GALNT13: variants seen among roughly 807,000 people sequenced by gnomAD.
The protein encoded by GALNT13 is UDP-GalNAc:polypeptide N-acetylgalactosaminyltransferase 13.
GALNT13 carries 28 observed loss-of-function variants against 64.2 expected under a neutral mutation model. The ratio of observed to expected loss-of-function variants is 0.44; its 90% CI spans 0.32 to 0.60. The LOEUF (loss-of-function observed/expected upper bound fraction) is 0.60. GALNT13 is among the 20% of genes least tolerant of loss of function. The probability of loss-of-function intolerance (pLI) is 0.05; values close to 1 mark genes in which losing one functional copy is unlikely to be tolerated. For synonymous variants in GALNT13, 214 were observed against 224.6 expected (o/e 0.95, Z 0.42); for missense variants, 577 against 669.8 (o/e 0.86, Z 1.53).
chr2:153,595,724 C>G, the GALNT13 span, among the ~76,000 whole-genome samples: 2 of 152,058 alleles, frequency 1.3e-5, no homozygotes, highest in Admixed American at 6.6e-5. Flanking sequence ...TTGAAAAACT[C>G]TAAGTAAAAT....
At chr2:154,353,455 A>G (rs1696528848) in intron 9 of GALNT13, among the ~76,000 whole-genome samples, 1 of 152,144 alleles carries the variant, frequency 6.6e-6, no homozygotes, top group Non-Finnish European at 1.5e-5. Context: ...CTAGGTATTT[A>G]AGAAAGATCC....
chr2:154,298,670 C>CA (rs1693179740), intron 8 of GALNT13, among the ~76,000 whole-genome samples: 1 of 5,812 alleles, frequency 1.7e-4, no homozygotes. Context: ...TTTATATATA[C>CA]ATTGTATATA....
chr2:153,375,638 T>G, the GALNT13 span, among the ~76,000 whole-genome samples: 1 of 152,208 alleles, frequency 6.6e-6, no homozygotes, highest in Non-Finnish European at 1.5e-5. Flanking sequence ...ATCTTTTTGT[T>G]TCTAGCAGTT....
chr2:153,966,273 T>C (rs1259873667), intron 3 of GALNT13, among the ~76,000 whole-genome samples: 6 of 145,086 alleles, frequency 4.1e-5, no homozygotes, highest in African/African-American at 1.5e-4. Context: ...TCCCATTCCC[T>C]CCTGACTTAC....
chr2:153,499,210 G>A, the GALNT13 span, among the ~76,000 whole-genome samples: 3 of 152,166 alleles, frequency 2.0e-5, no homozygotes, highest in South Asian at 2.1e-4. Flanking sequence ...ACTGGAGGAC[G>A]AGCAAGGTGA....
chr2:154,235,824 A>T (rs533411547), intron 4 of GALNT13, among the ~76,000 whole-genome samples: 12 of 152,268 alleles, frequency 7.9e-5, no homozygotes, highest in Non-Finnish European at 1.2e-4. Context: ...TGTTGTGTTC[A>T]GTAGCTTATC....
chr2:153,872,953 C>G (rs903874027), intron 1 of GALNT13, among the ~76,000 whole-genome samples: 4 of 152,104 alleles, frequency 2.6e-5, no homozygotes, highest in African/African-American at 9.7e-5. Context: ...GTTTTTTTCT[C>G]TTATTCTGTT....
chr2:153,905,678 A>T (rs979890973), intron 2 of GALNT13, among the ~76,000 whole-genome samples: 1 of 151,984 alleles, frequency 6.6e-6, no homozygotes, highest in African/African-American at 2.4e-5. Context: ...TTCTTTCTTC[A>T]CAATTTCAAG....
At chr2:153,151,409 G>C in the GALNT13 span, among the ~76,000 whole-genome samples, 49 of 152,232 alleles carry the variant, frequency 3.2e-4, no homozygotes, top group Admixed American at 7.2e-4. Context: ...AGCCATTGTG[G>C]AAGTCAGTGT....
chr2:153,495,218 T>C, the GALNT13 span, among the ~76,000 whole-genome samples: 1 of 152,162 alleles, frequency 6.6e-6, no homozygotes, highest in African/African-American at 2.4e-5. Flanking sequence ...GGTACAATCC[T>C]TTAGAAATCT....
the GALNT13 span, among the ~76,000 whole-genome samples, chr2:153,558,063 T>A: frequency 3.9e-5 from 6 of 152,224 alleles, no homozygotes; most frequent in African/African-American, 1.4e-4. Flanking sequence ...TTAGTGTTCA[T>A]CACTGTGACT....
intron 2 of GALNT13, among the ~76,000 whole-genome samples, chr2:153,922,340 A>G (rs753896652): frequency 6.6e-5 from 10 of 152,190 alleles, no homozygotes; most frequent in African/African-American, 2.4e-4. Context: ...TGTATTTACT[A>G]TGCTTTTCAA....
chr2:154,392,988 T>G (rs1208070801), intron 9 of GALNT13, among the ~76,000 whole-genome samples: 1 of 152,194 alleles, frequency 6.6e-6, no homozygotes, highest in East Asian at 1.9e-4. Flanking sequence ...AGAAAATTAT[T>G]TGTTTTTCCT....
the GALNT13 span, among the ~76,000 whole-genome samples, chr2:153,819,371 C>T: frequency 6.6e-6 from 1 of 152,096 alleles, no homozygotes; most frequent in Non-Finnish European, 1.5e-5. Flanking sequence ...AGTCACAAGC[C>T]CTGGAACAAG....
chr2:153,130,252 GA>G, the GALNT13 span, among the ~76,000 whole-genome samples: 1 of 152,046 alleles, frequency 6.6e-6, no homozygotes, highest in East Asian at 1.9e-4. Context: ...AGGGACCCTT[GA>G]AAACCTAGGC....
chr2:153,719,567 G>A, the GALNT13 span, among the ~76,000 whole-genome samples: 3 of 152,154 alleles, frequency 2.0e-5, no homozygotes. Flanking sequence ...ATCTCACTAG[G>A]GAGTGCCAGA....
chr2:153,339,899 C>G, the GALNT13 span, among the ~76,000 whole-genome samples: 16 of 152,232 alleles, frequency 1.1e-4, no homozygotes, highest in African/African-American at 3.9e-4. Context: ...TGTGAAAGAT[C>G]TGTTAACCAT....
the GALNT13 span, among the ~76,000 whole-genome samples, chr2:153,743,147 T>C: frequency 2.0e-5 from 3 of 151,842 alleles, no homozygotes; most frequent in East Asian, 3.9e-4. Flanking sequence ...GGTAGTTATA[T>C]TTTTAGTTTT....
intron 4 of GALNT13, among the ~76,000 whole-genome samples, chr2:154,201,082 A>G (rs1180714298): frequency 1.3e-5 from 2 of 152,084 alleles, no homozygotes; most frequent in African/African-American, 4.8e-5. Flanking sequence ...TGGTATATAT[A>G]ATATGCTTTG....
Sources: gnomAD v4.1 joint callset for allele counts (sites outside exome capture counted in the v4.1 genomes callset) on GRCh38, gnomAD v4.1.1 for gene constraint, MANE v1.5 for transcripts, NCBI Gene and HGNC (gene_info 2026-07-23, HGNC 2026-07-21) for gene names.